The following DUSP22 variants were observed in gnomAD, a reference collection of about 807,000 sequenced individuals.
The protein encoded by DUSP22 is dual specificity protein phosphatase 22.
A neutral mutation model predicts 24.5 loss-of-function variants in DUSP22; 24 were observed. The ratio of observed to expected loss-of-function variants is 0.98; its 90% confidence interval spans 0.71 to 1.38. DUSP22 has a LOEUF of 1.38. DUSP22 is among the 40% of genes most tolerant of loss of function. The pLI is 0.00. For synonymous variants in DUSP22, 160 were observed against 106.4 expected (o/e 1.50, Z -3.10); for missense variants, 330 against 269.2 (o/e 1.23, Z -1.58).
intron 5 of DUSP22, among the ~76,000 whole-genome samples, chr6:346,729 T>G (rs1759897377): frequency 1.3e-5 from 2 of 152,428 alleles, no homozygotes; most frequent in South Asian, 2.1e-4. Context: ...CCTAACAGTC[T>G]TTTGACATTC....
At position 312,066 on chromosome 6, in the gene DUSP22, C is replaced by T. The variant is rs556443056; in HGVS notation, c.138+104C>T. 479 of 1,200,072 alleles carry T rather than the reference C, an allele frequency of 4.0e-4. No individual in the cohort carries two copies. The South Asian group carries it at 6.6e-3, about 16-fold the overall frequency. 74.3% of individuals were successfully genotyped at this position (1,200,072 alleles called of 1,614,324 possible). ...CCAGGTTCTCTCCAATGCGAACGTA[C>T]TCCTGTGATCTCTGGCGGCATTCCC... On this transcript the variant is annotated intron_variant, in intron 3 of 6. Transcript: ENST00000419235.
intron 3 of DUSP22, chr6:320,454 G>A (rs939773048): frequency 2.0e-5 from 3 of 153,280 alleles, no homozygotes; most frequent in Non-Finnish European, 4.4e-5. Flanking sequence ...GGCAAGATCT[G>A]CCAGGATATC....
intron 4 of DUSP22, among the ~76,000 whole-genome samples, chr6:340,759 G>A (rs6928503): frequency 0.079 from 11,661 of 148,404 alleles, 27 homozygotes; most frequent in East Asian, 0.23. Context: ...TGCCATTCAA[G>A]GTGCTCAGCC....
Position 350,813 on chromosome 6 carries a change from T to A in DUSP22, c.*1862T>A. On this transcript the variant is annotated 3_prime_UTR_variant, in exon 7 of 7. Transcript: ENST00000419235. ...AATATTTGTTGCCAGTAATGTTCTT[T>A]CTTCACAGCCGCTCCGGGAATTCTG... 6.2e-7 allele frequency: 1 copy of A among 1,614,282 alleles called. No homozygotes were observed. Among genetic ancestry groups the A allele is most frequent in the Non-Finnish European group, 8.5e-7 (1 of 1,180,034 alleles).
At chr6:333,827 G>C (rs894759759) in intron 3 of DUSP22, among the ~76,000 whole-genome samples, 1 of 152,300 alleles carries the variant, frequency 6.6e-6, no homozygotes, top group Admixed American at 6.5e-5. Context: ...AGTAGCTGCC[G>C]ATCCGACTCC....
intron 1 of DUSP22, among the ~76,000 whole-genome samples, chr6:293,736 A>G (rs892100119): frequency 6.8e-6 from 1 of 147,120 alleles, no homozygotes; most frequent in African/African-American, 2.5e-5. Context: ...TGAAAGAACT[A>G]TTGTGTGTTT....
At chr6:348,070 G>T (rs777119150) in intron 5 of DUSP22, 33 bp from the exon 6 acceptor site, 1 of 1,612,072 alleles carries the variant, frequency 6.2e-7, no homozygotes, top group Non-Finnish European at 8.5e-7. Flanking sequence ...ATCTGAAACT[G>T]CCCTCACACA....
intron 2 of DUSP22, among the ~76,000 whole-genome samples, chr6:308,375 G>C (rs1757920678): frequency 6.6e-6 from 1 of 152,306 alleles, no homozygotes; most frequent in Admixed American, 6.5e-5. Context: ...CCAATAGTGT[G>C]AAGTCTGTAA....
At chr6:326,450 CTGGG>C (rs1392569140) in intron 3 of DUSP22, among the ~76,000 whole-genome samples, 1,349 of 149,702 alleles carry the variant, frequency 9.0e-3, no homozygotes, top group African/African-American at 0.03. Flanking sequence ...GTCATCTGCC[CTGGG>C]CTTCTGCGTC....
intron 4 of DUSP22, chr6:338,206 T>A (rs576494056): frequency 1.3e-5 from 2 of 152,464 alleles, no homozygotes; most frequent in African/African-American, 4.8e-5. Context: ...GACACACATA[T>A]GTCCATGACT....
At chr6:304,831 C>G (rs1205161541) in intron 2 of DUSP22, among the ~76,000 whole-genome samples, 170 bp downstream of exon 2, 2 of 152,304 alleles carry the variant, frequency 1.3e-5, no homozygotes, top group African/African-American at 2.4e-5. Context: ...GAAACTGTGT[C>G]CCTTAAAACA....
intron 3 of DUSP22, among the ~76,000 whole-genome samples, chr6:331,651 G>A (rs1022268263): frequency 4.6e-5 from 7 of 152,416 alleles, no homozygotes; most frequent in South Asian, 2.1e-4. Context: ...GGCACTGGGG[G>A]ACTCATGCTG....
chr6:297,378 GACA>G (rs1757384210), intron 1 of DUSP22, among the ~76,000 whole-genome samples: 1 of 152,308 alleles, frequency 6.6e-6, no homozygotes, highest in Non-Finnish European at 1.5e-5. Flanking sequence ...GGATGTGACT[GACA>G]CTTGTTTGAG....
At chr6:336,823 A>G (rs1759380194) in intron 4 of DUSP22, among the ~76,000 whole-genome samples, 2 of 152,306 alleles carry the variant, frequency 1.3e-5, no homozygotes, top group African/African-American at 4.8e-5. Context: ...TCGTGTCAAG[A>G]AACAGAAGTG....
intron 4 of DUSP22, among the ~76,000 whole-genome samples, chr6:343,750 A>T (rs1759727277): frequency 1.7e-5 from 1 of 58,190 alleles, no homozygotes; most frequent in African/African-American, 7.9e-5. Context: ...GGCTGTCCTC[A>T]TCTCACTGAG....
rs368343297 is a variant in DUSP22, at chr6:345,968, T to G, written c.263+40T>G. On this transcript the variant is annotated intron_variant, in intron 5 of 6. Coordinates refer to ENST00000419235, the MANE Select transcript of DUSP22 (RefSeq NM_001286555.3). Reference sequence around the variant, plus strand: ...TGCTTAATAGCGCCTTAGCGTATTCTGGTCGGCTTGGCTTCCCATCAAGTG... The same window carrying G: ...TGCTTAATAGCGCCTTAGCGTATTCGGGTCGGCTTGGCTTCCCATCAAGTG... 2.1e-4 allele frequency: 340 copies of G among 1,608,734 alleles called. No homozygotes were observed. In the African/African-American group the frequency reaches 4.1e-3, roughly 19 times the overall value.
chr6:292,740 G>A (rs112330556), intron 1 of DUSP22, among the ~76,000 whole-genome samples, 180 bp downstream of exon 1: 225 of 152,036 alleles, frequency 1.5e-3, no homozygotes, highest in African/African-American at 5.3e-3. Flanking sequence ...AGGTGTTCCC[G>A]CCCCCACCCC....
intron 3 of DUSP22, among the ~76,000 whole-genome samples, chr6:313,490 G>A (rs1276150159): frequency 6.6e-6 from 1 of 152,294 alleles, no homozygotes; most frequent in Non-Finnish European, 1.5e-5. Flanking sequence ...CCTCAGAGCT[G>A]TGGGCAAACT....
intron 3 of DUSP22, among the ~76,000 whole-genome samples, chr6:331,691 A>G (rs558570967): frequency 4.6e-5 from 7 of 152,418 alleles, no homozygotes. Context: ...ACTGTCATGA[A>G]TTGTACACAT....
Sources: allele counts gnomAD v4.1 joint callset (sites outside exome capture counted in the v4.1 genomes callset), GRCh38; gene constraint gnomAD v4.1.1; transcripts MANE v1.5; gene names NCBI Gene and HGNC (gene_info 2026-07-23, HGNC 2026-07-21).